The following NNT variants were observed in gnomAD, a reference collection of about 807,000 sequenced individuals.
The protein encoded by NNT is NAD(P) transhydrogenase, mitochondrial.
NNT carries 50 observed loss-of-function variants against 104.8 expected under a neutral mutation model. The ratio of observed to expected loss-of-function variants is 0.48; its 90% CI spans 0.38 to 0.60. NNT has a LOEUF of 0.60. Among genes scored for constraint, NNT ranks in the 20% least tolerant of loss-of-function variants. The pLI is 0.00. For synonymous variants in NNT, 461 were observed against 490.4 expected, an observed-to-expected ratio of 0.94 and a Z score of 0.79; for missense variants, 1,131 against 1,330.7, an observed-to-expected ratio of 0.85 and a Z score of 2.33.
At chr5:43,649,775 G>C (rs192678521) in intron 11 of NNT, among the ~76,000 whole-genome samples, 2 of 152,122 alleles carry the variant, frequency 1.3e-5, no homozygotes, top group African/African-American at 2.4e-5. Flanking sequence ...TTTCCAGTGA[G>C]GTGGCATCAG....
chr5:43,678,672 C>A (rs1159129476), intron 19 of NNT, among the ~76,000 whole-genome samples: 1 of 152,140 alleles, frequency 6.6e-6, no homozygotes, highest in African/African-American at 2.4e-5. Context: ...AGTAATAAAC[C>A]TGTGCCCTGG....
chr5:43,667,034 C>T, intron 17 of NNT: 1 of 1,596,778 alleles, frequency 6.3e-7, no homozygotes, highest in South Asian at 1.1e-5. Context: ...TGGGCACGTG[C>T]ACTCATGGCC....
chr5:43,661,344 C>G (rs1023437744), intron 17 of NNT, among the ~76,000 whole-genome samples: 1 of 152,096 alleles, frequency 6.6e-6, no homozygotes, highest in Non-Finnish European at 1.5e-5. Context: ...CAGGGGGCAG[C>G]AGATTTTCAT....
At chr5:43,665,822 C>A (rs1000017005) in intron 17 of NNT, among the ~76,000 whole-genome samples, 4 of 147,436 alleles carry the variant, frequency 2.7e-5, no homozygotes, top group African/African-American at 9.7e-5. Context: ...GCGCACCCCA[C>A]CTCCTGGACG....
rs1392131406 is a variant in NNT at position 43,656,033 on chromosome 5, C to A, written c.2253C>A (p.Val751=). The change falls in exon 15 of 22, where the codon GTC becomes GTA. Residue 751 remains valine, a synonymous_variant. Coordinates refer to ENST00000344920, the MANE Select transcript of NNT (RefSeq NM_182977.3). Reference sequence around the variant, plus strand: ...ACCTCGGCACTTACATTGGTGGCGTCACCTTTAGTGGGTCTCTCATTGCCT... The same window carrying A: ...ACCTCGGCACTTACATTGGTGGCGTAACCTTTAGTGGGTCTCTCATTGCCT... ...VAYLGTYIGG[V]TFSGSLIAYG... 8 of 1,614,044 alleles carry A rather than the reference C, an allele frequency of 5.0e-6. No individual in the cohort carries two copies. The East Asian group carries it at 1.1e-4, about 22-fold the overall frequency.
At chr5:43,684,596 G>T (rs1462805741) in intron 19 of NNT, among the ~76,000 whole-genome samples, 1 of 151,848 alleles carries the variant, frequency 6.6e-6, no homozygotes, top group African/African-American at 2.4e-5. Context: ...CCTTCGGATG[G>T]ATAGACTAGC....
chr5:43,698,689 G>T (rs1277994209), intron 19 of NNT, among the ~76,000 whole-genome samples: 1 of 151,756 alleles, frequency 6.6e-6, no homozygotes, highest in Non-Finnish European at 1.5e-5. Flanking sequence ...GAGTAAAATT[G>T]GTTTCATTAT....
intron 17 of NNT, among the ~76,000 whole-genome samples, chr5:43,668,039 A>G (rs1580077801): frequency 1.3e-5 from 2 of 152,226 alleles, no homozygotes; most frequent in Middle Eastern, 3.4e-3. Context: ...ACATTTTTTC[A>G]TGTGTCTTTT....
intron 7 of NNT, among the ~76,000 whole-genome samples, chr5:43,638,098 A>G (rs1232249861): frequency 6.6e-6 from 1 of 152,138 alleles, no homozygotes; most frequent in Non-Finnish European, 1.5e-5. Context: ...ATGGTTTTAT[A>G]AGGAGCTTCC....
intron 17 of NNT, among the ~76,000 whole-genome samples, chr5:43,670,186 G>T (rs1561308334): frequency 6.6e-6 from 1 of 151,982 alleles, no homozygotes; most frequent in Non-Finnish European, 1.5e-5. Flanking sequence ...TTATTTATTA[G>T]TCTTGCTAGT....
chr5:43,667,198 T>G (rs1740753336), intron 17 of NNT: 1 of 1,390,178 alleles, frequency 7.2e-7, no homozygotes, highest in African/African-American at 1.4e-5. Context: ...TTTTCGGGAC[T>G]GGTTGTGTGT....
In NNT at chr5:43,669,974, A is replaced by G. The variant is rs1470558812; in HGVS notation, c.2635-5537A>G. On this transcript the variant is annotated intron_variant, in intron 17 of 21. Coordinates refer to ENST00000344920, the MANE Select transcript of NNT (RefSeq NM_182977.3). The stretch of plus-strand genomic sequence containing the variant: ...CAATTTCAGAGCCTGTTATTGGTCT[A>G]TTCAGGGATTCAGCTTCTTCCTGGT... Among the ~76,000 whole-genome samples, 6 of 151,978 alleles carry G rather than the reference A, an allele frequency of 3.9e-5. No individual in the cohort carries two copies. The East Asian group carries it at 1.2e-3, about 29-fold the overall frequency.
chr5:43,685,278 A>C (rs1014276408), intron 19 of NNT, among the ~76,000 whole-genome samples: 3 of 152,210 alleles, frequency 2.0e-5, no homozygotes, highest in Non-Finnish European at 4.4e-5. Context: ...TATCATTAAC[A>C]TATTTAGAAA....
chr5:43,641,886 C>A (rs1561283073), intron 7 of NNT, among the ~76,000 whole-genome samples: 1 of 152,168 alleles, frequency 6.6e-6, no homozygotes, highest in Non-Finnish European at 1.5e-5. Context: ...GTTGTGTTAG[C>A]CACTGTACAG....
At chr5:43,638,690 A>G (rs1390620925) in intron 7 of NNT, among the ~76,000 whole-genome samples, 1 of 149,380 alleles carries the variant, frequency 6.7e-6, no homozygotes, top group African/African-American at 2.5e-5. Flanking sequence ...AGACCCTCTA[A>G]TTTGATGCCT....
chr5:43,701,309 C>T (rs1742838195), intron 20 of NNT, among the ~76,000 whole-genome samples: 1 of 152,096 alleles, frequency 6.6e-6, no homozygotes, highest in Admixed American at 6.6e-5. Context: ...GTTTAGCTCC[C>T]ACATATAAGT....
At chr5:43,672,952 G>T (rs978294328) in intron 17 of NNT, among the ~76,000 whole-genome samples, 3 of 152,226 alleles carry the variant, frequency 2.0e-5, no homozygotes, top group African/African-American at 7.2e-5. Flanking sequence ...CTTCCCAGCT[G>T]CTTTATTTAC....
Position 43,616,040 on chromosome 5 carries a change from C to T in NNT, c.574C>T (p.Leu192=). The T allele has an allele frequency of 1.2e-6, 2 of 1,613,988 alleles. No homozygotes were observed. Among genetic ancestry groups the T allele is most frequent in the Non-Finnish European group, 1.7e-6 (2 of 1,179,978 alleles). Residue 192 remains leucine, a synonymous_variant, in exon 4 of 22, where the codon CTA becomes TTA. Transcript: ENST00000344920. Reference sequence around the variant, plus strand: ...CACAATTGCTCAGGGATATGATGCGCTAAGCTCCATGGCCAACATTGCGGG... The same window carrying T: ...CACAATTGCTCAGGGATATGATGCGTTAAGCTCCATGGCCAACATTGCGGG... The part of the protein sequence containing the change: ...RVTIAQGYDA[L]SSMANIAGYK...
At chr5:43,679,229 A>T (rs1437506183) in intron 19 of NNT, among the ~76,000 whole-genome samples, 1 of 152,244 alleles carries the variant, frequency 6.6e-6, no homozygotes, top group African/African-American at 2.4e-5. Flanking sequence ...ACAACGTTTT[A>T]TGATTTTCCT....
Sources: allele counts gnomAD v4.1 joint callset (sites outside exome capture counted in the v4.1 genomes callset), GRCh38; gene constraint gnomAD v4.1.1; transcripts MANE v1.5; gene names NCBI Gene and HGNC (gene_info 2026-07-23, HGNC 2026-07-21).